Variants in MASTL observed in about 807,000 individuals in gnomAD.
MASTL encodes the protein microtubule associated serine/threonine kinase like, also known as serine/threonine-protein kinase greatwall.
A neutral mutation model predicts 82.5 loss-of-function variants in MASTL; 54 were observed. The observed-to-expected ratio is 0.65, with a 90% CI of 0.53 to 0.82. MASTL has a LOEUF of 0.82. Among genes scored for constraint, MASTL ranks in the 40% least tolerant of loss-of-function variants. The pLI is 0.00. For synonymous variants in MASTL, 323 were observed against 368.9 expected (o/e 0.88, Z 1.43); for missense variants, 950 against 1,047.8 (o/e 0.91, Z 1.29).
In MASTL at chr10:27,173,216, C is replaced by T. The variant is rs147776224; in HGVS notation, c.2223C>T (p.Thr741=). Residue 741 remains threonine, a synonymous_variant, in exon 9 of 12, where the codon ACC becomes ACT. Coordinates refer to ENST00000375940, the MANE Select transcript of MASTL (RefSeq NM_001172303.3). Reference sequence around the variant, plus strand: ...TTGATGATGGGCGAATTCTAGGAACCCCAGACTACCTTGCACCTGAGCTGT... The same window carrying T: ...TTGATGATGGGCGAATTCTAGGAACTCCAGACTACCTTGCACCTGAGCTGT... ...APVDDGRILG[T]PDYLAPELLL... The T allele has an allele frequency of 1.4e-4, 221 of 1,614,114 alleles. No individual in the cohort carries two copies. In the African/African-American group the frequency reaches 2.6e-3, roughly 19 times the overall value.
chr10:27,173,350 C>T (rs1354044820), intron 9 of MASTL, 91 bp downstream of exon 9: 66 of 1,424,734 alleles, frequency 4.6e-5, no homozygotes, highest in African/African-American at 2.8e-5. Context: ...TCAGTACTTA[C>T]GTTACCTAAA....
In MASTL at chr10:27,170,390, T is replaced by C. The variant is rs146116709; in HGVS notation, c.1431T>C (p.Tyr477=). The C allele has an allele frequency of 4.6e-5, 75 of 1,614,088 alleles. 1 individual carries two copies. Among genetic ancestry groups the C allele is most frequent in the East Asian group, 2.9e-4 (13 of 44,870 alleles). ...AGCATAACGAAATGACAAATTGTTA[T>C]ACAAATCAAAATACAGGCTTAACAG... ...EYKHNEMTNC[Y]TNQNTGLTVE... is the part of the protein sequence containing the mutation. Residue 477 remains tyrosine, a synonymous_variant, in exon 8 of 12, where the codon TAT becomes TAC. Transcript: ENST00000375940.
intron 7 of MASTL, among the ~76,000 whole-genome samples, chr10:27,167,777 T>C (rs1442439486): frequency 1.3e-5 from 2 of 152,216 alleles, no homozygotes; most frequent in Non-Finnish European, 1.5e-5. Flanking sequence ...CTGAGGATAT[T>C]GCTTGCCAAA....
intron 8 of MASTL, among the ~76,000 whole-genome samples, chr10:27,171,821 G>GTTTTT (rs1176510939): frequency 1.7e-4 from 12 of 71,190 alleles, no homozygotes; most frequent in African/African-American, 2.8e-4. Flanking sequence ...TGAAAAATAT[G>GTTTTT]TTTCTTTTTT....
At chr10:27,173,602 CAG>C (rs1226165078) in intron 9 of MASTL, among the ~76,000 whole-genome samples, 1 of 151,610 alleles carries the variant, frequency 6.6e-6, no homozygotes, top group Non-Finnish European at 1.5e-5. Context: ...TTTTTTGAGA[CAG>C]AGTTTCTCTT....
chr10:27,170,764 C>T lies in MASTL; in HGVS notation c.1805C>T (p.Ser602Leu). ...RSIKESSFEESNIEDPLIVTP... is the reference protein window; with the variant it reads ...RSIKESSFEELNIEDPLIVTP... ...ATCAAAGAATCCTCTTTTGAAGAAT[C>T]AAATATTGAAGATCCACTTATTGTA... Residue 602 changes from serine to leucine, a missense_variant, in exon 8 of 12, where the codon TCA (serine) becomes TTA (leucine). Transcript: ENST00000375940. The T allele has an allele frequency of 6.2e-7, 1 of 1,613,958 alleles. No homozygotes were observed. The highest frequency in any genetic ancestry group is 8.5e-7 in the Non-Finnish European group (1 of 1,179,954).
chr10:27,161,465 C>T lies in MASTL; in HGVS notation c.553+283C>T, dbSNP rs183921845. Among the ~76,000 whole-genome samples, 17 of 151,204 alleles carry T rather than the reference C, an allele frequency of 1.1e-4. No individual in the cohort carries two copies. In the East Asian group the frequency reaches 1.2e-3, roughly 10 times the overall value. ...TGGAGGTTGCAGTGAGCTGAGATCC[C>T]GCCATTGCACTCCAGACTGGGAAAC... On this transcript the variant is annotated intron_variant, in intron 4 of 11. Coordinates refer to ENST00000375940, the MANE Select transcript of MASTL (RefSeq NM_001172303.3).
chr10:27,163,833 T>C (rs186753297), intron 4 of MASTL, among the ~76,000 whole-genome samples: 14 of 151,952 alleles, frequency 9.2e-5, no homozygotes, highest in African/African-American at 3.4e-4. Context: ...GGTTTCACCA[T>C]GTTAGCCAGG....
chr10:27,168,052 G>T (rs2057795863), intron 7 of MASTL, among the ~76,000 whole-genome samples: 1 of 152,270 alleles, frequency 6.6e-6, no homozygotes, highest in South Asian at 2.1e-4. Context: ...ATAAAATAAT[G>T]ATAGATTAGG....
intron 8 of MASTL, 150 bp downstream of exon 8, chr10:27,171,233 A>G: frequency 1.4e-6 from 1 of 701,552 alleles, no homozygotes; most frequent in Non-Finnish European, 2.4e-6. Flanking sequence ...TTTCACCCAG[A>G]AAAGTAAAGC....
intron 8 of MASTL, among the ~76,000 whole-genome samples, chr10:27,171,821 G>GTTTATTTT (rs1176510939): frequency 6.7e-4 from 48 of 71,216 alleles, no homozygotes; most frequent in East Asian, 5.2e-3. Context: ...TGAAAAATAT[G>GTTTATTTT]TTTCTTTTTT....
At position 27,186,407 on chromosome 10, in the gene MASTL, T is replaced by C. The variant is rs2058753121; in HGVS notation, c.2511T>C (p.Asp837=). ...TAAAACGTCATCCTCTCTTCAGTGA[T>C]GTGGACTGGGAAAATCTGCAGCATC... The part of the protein sequence containing the change: ...KELKRHPLFS[D]VDWENLQHQT... The change falls in exon 12 of 12, where the codon GAT becomes GAC. Residue 837 remains aspartate, a synonymous_variant. Coordinates refer to ENST00000375940, the MANE Select transcript of MASTL (RefSeq NM_001172303.3). 1 of 1,614,096 alleles carries C rather than the reference T, an allele frequency of 6.2e-7. No homozygotes were observed. Among genetic ancestry groups the C allele is most frequent in the African/African-American group, 1.3e-5 (1 of 74,938 alleles).
At chr10:27,175,667 A>G (rs931950800) in intron 9 of MASTL, among the ~76,000 whole-genome samples, 11 of 152,050 alleles carry the variant, frequency 7.2e-5, no homozygotes, top group Non-Finnish European at 1.0e-4. Context: ...CATCACTCCC[A>G]TGATGTCAGT....
intron 1 of MASTL, 111 bp downstream of exon 1, chr10:27,155,723 G>T: frequency 7.8e-7 from 1 of 1,275,538 alleles, no homozygotes; most frequent in Non-Finnish European, 1.1e-6. Context: ...TGGGTGGCCT[G>T]GCTTGCTGAA....
In MASTL at chr10:27,167,730, G is replaced by A. The variant is rs545137878; in HGVS notation, c.984+456G>A. Among the ~76,000 whole-genome samples, 7 of 152,272 alleles carry A rather than the reference G, an allele frequency of 4.6e-5. No individual in the cohort carries two copies. In the South Asian group the frequency reaches 1.0e-3, roughly 23 times the overall value. On this transcript the variant is annotated intron_variant, in intron 7 of 11. Transcript: ENST00000375940. Reference sequence around the variant, plus strand: ...CTGGATCAGAAATAACTTTTAGACCGGAAAGGTAACGTGGGTGTGCCCTTA... The same window carrying A: ...CTGGATCAGAAATAACTTTTAGACCAGAAAGGTAACGTGGGTGTGCCCTTA...
intron 9 of MASTL, among the ~76,000 whole-genome samples, chr10:27,179,786 T>C (rs936159433): frequency 2.6e-5 from 4 of 152,180 alleles, no homozygotes; most frequent in African/African-American, 9.6e-5. Flanking sequence ...GTTACCAGGC[T>C]TTCCTCCAAT....
chr10:27,185,859 G>A (rs1340299274), intron 11 of MASTL, among the ~76,000 whole-genome samples: 2 of 151,834 alleles, frequency 1.3e-5, no homozygotes, highest in Non-Finnish European at 2.9e-5. Context: ...GAAGGCCAAG[G>A]TGGGCAGATC....
At chr10:27,166,505 G>C (rs541068574) in intron 6 of MASTL, among the ~76,000 whole-genome samples, 1 of 152,186 alleles carries the variant, frequency 6.6e-6, no homozygotes, top group South Asian at 2.1e-4. Context: ...TAATTTGGTG[G>C]TTCATACCTG....
intron 11 of MASTL, among the ~76,000 whole-genome samples, chr10:27,182,978 TC>T (rs1449091921): frequency 6.6e-6 from 1 of 152,154 alleles, no homozygotes; most frequent in Non-Finnish European, 1.5e-5. Context: ...CTTGGGTTTT[TC>T]AAAGCCTGAT....
Sources: gnomAD v4.1 joint callset for allele counts (sites outside exome capture counted in the v4.1 genomes callset) on GRCh38, gnomAD v4.1.1 for gene constraint, MANE v1.5 for transcripts, NCBI Gene and HGNC (gene_info 2026-07-23, HGNC 2026-07-21) for gene names.